KHK: variants seen among roughly 807,000 people sequenced by gnomAD.
The protein encoded by KHK is ketohexokinase.
KHK carries 37 observed loss-of-function variants against 36.0 expected under a neutral mutation model. That is an observed-to-expected ratio of 1.03 (90% confidence interval 0.79 to 1.35). The LOEUF (loss-of-function observed/expected upper bound fraction) is 1.35. Ranked by LOEUF, KHK falls within the 40% of genes most tolerant of loss-of-function variation. KHK has a pLI of 0.00. For missense variants in KHK, 395 were observed against 391.9 expected, an observed-to-expected ratio of 1.01 and a Z score of -0.07; for synonymous variants, 161 against 162.8, an observed-to-expected ratio of 0.99 and a Z score of 0.08.
chr2:27,100,240 C>T lies in KHK; in HGVS notation c.*490C>T. On this transcript the variant is annotated 3_prime_UTR_variant, in exon 8 of 8. Coordinates refer to ENST00000260598, the MANE Select transcript of KHK (RefSeq NM_006488.3). ...CTGCGTTGTGCAGACTCTATTCCCACAGCTCAGAAGCTGGGAGTCCACACC... is the reference window on the plus strand; with the variant it reads ...CTGCGTTGTGCAGACTCTATTCCCATAGCTCAGAAGCTGGGAGTCCACACC... The T allele has an allele frequency of 2.5e-6, 1 of 392,212 alleles. No homozygotes were observed. The highest frequency in any genetic ancestry group is 2.0e-5 in the South Asian group (1 of 49,114). The allele number at this position is 392,212 out of a possible 1,614,324, so 24.3% of individuals were successfully genotyped here.
Position 27,087,327 on chromosome 2 carries a change from A to G in KHK, c.68A>G (p.Tyr23Cys), listed in dbSNP as rs1021946005. Reference protein sequence around the residue: ...VLDVISLVDKYPKEDSEIRCL... With the variant: ...VLDVISLVDKCPKEDSEIRCL... ...GACGTCATCAGCCTGGTGGACAAGT[A>G]CCCTAAGGAGGACTCGGAGATAAGG... Residue 23 changes from tyrosine (Y) to cysteine (C), a missense_variant, in exon 1 of 8, where the codon TAC becomes TGC. Tyr to Cys is a radical substitution (Grantham distance 194). Transcript: ENST00000260598. 3.1e-6 allele frequency: 5 copies of G among 1,597,412 alleles called. No homozygotes were observed. The African/African-American group carries it at 6.7e-5, about 21-fold the overall frequency.
chr2:27,098,475 C>CAAAA (rs78116764), intron 5 of KHK, among the ~76,000 whole-genome samples: 28 of 97,208 alleles, frequency 2.9e-4, no homozygotes, highest in African/African-American at 8.0e-4. Context: ...TGTCTCTATA[C>CAAAA]AAAAAAAAAA....
At chr2:27,097,854 G>C (rs572688776) in intron 5 of KHK, among the ~76,000 whole-genome samples, 3 of 152,236 alleles carry the variant, frequency 2.0e-5, no homozygotes, top group Non-Finnish European at 4.4e-5. Context: ...GCAAGGAGTA[G>C]AATGTCTCCA....
At position 27,094,577 on chromosome 2, in the gene KHK, G is replaced by C. The variant is rs1401311042; in HGVS notation, c.210-223G>C. On this transcript the variant is annotated intron_variant, in intron 2 of 7. Coordinates refer to ENST00000260598, the MANE Select transcript of KHK (RefSeq NM_006488.3). ...CATCGCCACGGTCATCATCAACGAG[G>C]CCAGTGGTAGCCGCACCATCCTATA... The C allele has an allele frequency of 2.5e-6, 4 of 1,614,114 alleles. No homozygotes were observed. The South Asian group carries it at 3.3e-5, about 13-fold the overall frequency.
rs1271109504 is a variant in KHK at position 27,100,582 on chromosome 2, G to A, written c.*832G>A. 2.4e-6 allele frequency: 3 copies of A among 1,275,584 alleles called. No homozygotes were observed. Among genetic ancestry groups the A allele is most frequent in the African/African-American group, 3.0e-5 (2 of 65,686 alleles). 79.0% of individuals were successfully genotyped at this position (1,275,584 alleles called of 1,614,324 possible). A position where few individuals can be genotyped will look rare whatever the true frequency, so the allele number is the denominator to read the frequency against. ...AGCATATAATGTAAAGGGCTTTAGA[G>A]TGAGACAGACCTGGATTAAAATCTG... On this transcript the variant is annotated 3_prime_UTR_variant, in exon 8 of 8. Coordinates refer to ENST00000260598, the MANE Select transcript of KHK (RefSeq NM_006488.3).
At chr2:27,093,629 C>A (rs1670143328) in intron 2 of KHK, among the ~76,000 whole-genome samples, 1 of 152,160 alleles carries the variant, frequency 6.6e-6, no homozygotes, top group Admixed American at 6.5e-5. Context: ...CTGTATTATC[C>A]AGCTTTGGTG....
At chr2:27,089,108 T>C (rs1265414565) in intron 1 of KHK, among the ~76,000 whole-genome samples, 1 of 152,210 alleles carries the variant, frequency 6.6e-6, no homozygotes, top group African/African-American at 2.4e-5. Flanking sequence ...TTGGAGATGT[T>C]TTTTAAGGCC....
chr2:27,092,592 A>G lies in KHK; in HGVS notation c.209+144A>G, dbSNP rs553809197. 5.9e-4 allele frequency: 404 copies of G among 688,112 alleles called. 6 individuals carry two copies. The South Asian group carries it at 6.4e-3, about 11-fold the overall frequency. 42.6% of individuals were successfully genotyped at this position (688,112 alleles called of 1,614,324 possible). A position where few individuals can be genotyped will look rare whatever the true frequency, so the allele number is the denominator to read the frequency against. Reference sequence around the variant, plus strand: ...CGGGGAGGGGGCATGGCGGAGCACCAGACGCCCAGCCCTGCCTTGGCGTGG... The same window carrying G: ...CGGGGAGGGGGCATGGCGGAGCACCGGACGCCCAGCCCTGCCTTGGCGTGG... On this transcript the variant is annotated intron_variant, in intron 2 of 7. Transcript: ENST00000260598.
rs990611110 is a variant in KHK at position 27,100,515 on chromosome 2, G to T, written c.*765G>T. ...ATCTGGAACACATATTGGAATTGGGGCCAACTCCAATATAGGGTGGGTAAG... is the reference window on the plus strand; with the variant it reads ...ATCTGGAACACATATTGGAATTGGGTCCAACTCCAATATAGGGTGGGTAAG... On this transcript the variant is annotated 3_prime_UTR_variant, in exon 8 of 8. Coordinates refer to ENST00000260598, the MANE Select transcript of KHK (RefSeq NM_006488.3). The T allele has an allele frequency of 2.7e-5, 35 of 1,290,976 alleles. No homozygotes were observed. Among genetic ancestry groups the T allele is most frequent in the Non-Finnish European group, 3.4e-5 (34 of 988,810 alleles). 80.0% of individuals were successfully genotyped at this position (1,290,976 alleles called of 1,614,324 possible). A position where few individuals can be genotyped will look rare whatever the true frequency, so the allele number is the denominator to read the frequency against.
chr2:27,098,810 G>A, intron 5 of KHK: 1 of 222,794 alleles, frequency 4.5e-6, no homozygotes. Flanking sequence ...AAGGCTTTCT[G>A]TGGGTTTTCA....
intron 3 of KHK, among the ~76,000 whole-genome samples, chr2:27,095,737 C>T (rs936202049): frequency 3.3e-5 from 5 of 152,208 alleles, no homozygotes; most frequent in African/African-American, 9.6e-5. Context: ...GCTGTTCCTA[C>T]GGCCCAGCCT....
chr2:27,094,259 T>C lies in KHK; in HGVS notation c.210-541T>C, dbSNP rs181803409. The C allele has an allele frequency of 6.4e-6, 4 of 620,444 alleles. No individual in the cohort carries two copies. In the Admixed American group the frequency reaches 7.1e-5, roughly 11 times the overall value. 38.4% of individuals were successfully genotyped at this position (620,444 alleles called of 1,614,324 possible). On this transcript the variant is annotated intron_variant, in intron 2 of 7. Transcript: ENST00000260598. ...ATGCTTCAGCCAAGACCTAAAAGGA[T>C]GGCCCTTAGTGTTTCTCTCTCTGAG...
chr2:27,098,395 G>A (rs1368147827), intron 5 of KHK, among the ~76,000 whole-genome samples: 1 of 150,780 alleles, frequency 6.6e-6, no homozygotes, highest in Non-Finnish European at 1.5e-5. Flanking sequence ...ACTCATACCT[G>A]TAATCCCAGC....
chr2:27,089,872 G>A (rs539699204), intron 1 of KHK, among the ~76,000 whole-genome samples: 21 of 152,250 alleles, frequency 1.4e-4, no homozygotes, highest in African/African-American at 5.1e-4. Flanking sequence ...TATTTTTTGA[G>A]TTGGAGTTTT....
intron 3 of KHK, among the ~76,000 whole-genome samples, chr2:27,095,980 C>T (rs1175441468): frequency 1.3e-5 from 2 of 152,250 alleles, no homozygotes; most frequent in African/African-American, 2.4e-5. Context: ...GGCACATTCA[C>T]ACACATTACC....
At position 27,100,714 on chromosome 2, in the gene KHK, G is replaced by T. The variant is rs1472911698; in HGVS notation, c.*964G>T. 3.6e-6 allele frequency: 4 copies of T among 1,121,848 alleles called. No individual in the cohort carries two copies. Among genetic ancestry groups the T allele is most frequent in the Non-Finnish European group, 4.5e-6 (4 of 879,276 alleles). The allele number at this position is 1,121,848 out of a possible 1,614,324, so 69.5% of individuals were successfully genotyped here. ...AATTCTGCTTGGCTACAGAATTATT[G>T]TGAGGATAAAATCATATATAAAATG... On this transcript the variant is annotated 3_prime_UTR_variant, in exon 8 of 8. Coordinates refer to ENST00000260598, the MANE Select transcript of KHK (RefSeq NM_006488.3).
At chr2:27,095,498 TG>T (rs1004232299) in intron 3 of KHK, among the ~76,000 whole-genome samples, 13 of 152,268 alleles carry the variant, frequency 8.5e-5, no homozygotes, top group Non-Finnish European at 1.9e-4. Context: ...AAAGGAAACA[TG>T]GGGTCAGCAG....
At chr2:27,096,015 G>A (rs1162461501) in intron 3 of KHK, among the ~76,000 whole-genome samples, 1 of 152,212 alleles carries the variant, frequency 6.6e-6, no homozygotes, top group Non-Finnish European at 1.5e-5. Flanking sequence ...GCTGCAAGGG[G>A]GCTGGGGGTT....
intron 4 of KHK, 115 bp downstream of exon 4, chr2:27,096,916 C>T: frequency 1.3e-6 from 1 of 784,454 alleles, no homozygotes; most frequent in East Asian, 2.5e-5. Flanking sequence ...TGAACCCAAC[C>T]CCCTCATTCT....
Sources: gnomAD v4.1 joint callset for allele counts (sites outside exome capture counted in the v4.1 genomes callset) on GRCh38, gnomAD v4.1.1 for gene constraint, MANE v1.5 for transcripts, NCBI Gene and HGNC (gene_info 2026-07-23, HGNC 2026-07-21) for gene names.